Variants in DFFB observed in about 807,000 individuals in gnomAD.
The protein encoded by DFFB is DNA fragmentation factor 40 kDa subunit.
Under a neutral mutation model 32.7 loss-of-function variants are expected in DFFB, and 29 were observed. The observed-to-expected ratio is 0.89, with a 90% CI of 0.66 to 1.21. The LOEUF (loss-of-function observed/expected upper bound fraction) is 1.21. Ranked by LOEUF, DFFB falls within the 50% of genes most tolerant of loss-of-function variation. The pLI is 0.00. For synonymous variants in DFFB, 170 were observed against 177.1 expected, an observed-to-expected ratio of 0.96 and a Z score of 0.32; for missense variants, 398 against 440.6, an observed-to-expected ratio of 0.90 and a Z score of 0.87.
chr1:3,878,665 C>T (rs1178486828), intron 6 of DFFB, among the ~76,000 whole-genome samples: 2 of 152,188 alleles, frequency 1.3e-5, no homozygotes, highest in Admixed American at 1.3e-4. Context: ...GTTAGTGATA[C>T]TGGAAGACGG....
chr1:3,863,418 AG>A (rs1339454383), intron 2 of DFFB, among the ~76,000 whole-genome samples: 4 of 152,180 alleles, frequency 2.6e-5, no homozygotes, highest in Non-Finnish European at 1.5e-5. Context: ...ATTGATGGGA[AG>A]GGAAAACGGT....
At chr1:3,866,887 C>T (rs762918422) in intron 3 of DFFB, among the ~76,000 whole-genome samples, 48 of 152,208 alleles carry the variant, frequency 3.2e-4, no homozygotes, top group Admixed American at 2.0e-4. Flanking sequence ...CATATCGTAG[C>T]GTATATCAAA....
rs749660067 is a variant in DFFB, at chr1:3,858,775, G to T, written c.172G>T (p.Asp58Tyr). The change falls in exon 2 of 7, where the codon GAT becomes TAT. Residue 58 changes from aspartate (D) to tyrosine (Y), a missense_variant. Asp to Tyr is a radical substitution (Grantham distance 160). Coordinates refer to ENST00000378209, the MANE Select transcript of DFFB (RefSeq NM_004402.4). The stretch of plus-strand genomic sequence containing the variant: ...CGAGGATGGCACGGAGCTGACGGAA[G>T]ATTACTTCCCCAGTGTTCCCGACAA... ...LYEDGTELTEDYFPSVPDNAE... is the reference protein window; with the variant it reads ...LYEDGTELTEYYFPSVPDNAE... 6.2e-7 allele frequency: 1 copy of T among 1,614,194 alleles called. No individual in the cohort carries two copies. The highest frequency in any genetic ancestry group is 8.5e-7 in the Non-Finnish European group (1 of 1,180,046).
Position 3,865,900 on chromosome 1 carries a change from G to A in DFFB, c.330G>A (p.Glu110=), listed in dbSNP as rs1037280222. The A allele has an allele frequency of 6.2e-7, 1 of 1,613,730 alleles. No individual in the cohort carries two copies. Among genetic ancestry groups the A allele is most frequent in the African/African-American group, 1.3e-5 (1 of 75,044 alleles). The change falls in exon 3 of 7, where the codon GAG becomes GAA. Residue 110 remains glutamate (E), a synonymous_variant. Coordinates refer to ENST00000378209, the MANE Select transcript of DFFB (RefSeq NM_004402.4). This position sits in a 1 kb window ranked among gnomAD's most constrained non-coding sequence, Gnocchi z 4.7. ...IQAAQQLLCD[E]QAPQRQRLLA... is the part of the protein sequence containing the mutation. ...CCGCCCAGCAGCTGCTGTGTGATGA[G>A]CAGGCCCCACAGAGGCAGAGGCTGC...
chr1:3,863,348 C>T (rs970578863), intron 2 of DFFB, among the ~76,000 whole-genome samples: 2 of 152,136 alleles, frequency 1.3e-5, no homozygotes, highest in African/African-American at 4.8e-5. Flanking sequence ...CTACTTCACA[C>T]CCACTAGGAT....
Position 3,872,574 on chromosome 1 carries a change from T to C in DFFB, c.782+2T>C. 1 of 1,611,190 alleles carries C rather than the reference T, an allele frequency of 6.2e-7. No individual in the cohort carries two copies. Among genetic ancestry groups the C allele is most frequent in the South Asian group, 1.1e-5 (1 of 91,026 alleles). Reference sequence around the variant, plus strand: ...CAGCACCTGGAACCTGGATCACATGTAAGCTCACAGAGCGAGGTTCAGACC... The same window carrying C: ...CAGCACCTGGAACCTGGATCACATGCAAGCTCACAGAGCGAGGTTCAGACC... On this transcript the variant is annotated splice_donor_variant, in intron 6 of 6. Coordinates refer to ENST00000378209, the MANE Select transcript of DFFB (RefSeq NM_004402.4). LOFTEE classifies it high-confidence loss of function.
intron 1 of DFFB, among the ~76,000 whole-genome samples, chr1:3,858,171 G>T (rs1557704861): frequency 6.6e-6 from 1 of 152,318 alleles, no homozygotes; most frequent in East Asian, 1.9e-4. Flanking sequence ...CCAGTACTAG[G>T]GTTACCAGGT....
intron 6 of DFFB, among the ~76,000 whole-genome samples, chr1:3,882,087 C>T (rs943316869): frequency 6.6e-6 from 1 of 152,090 alleles, no homozygotes; most frequent in African/African-American, 2.4e-5. Context: ...CAGTCTCACT[C>T]CAACCAGGCT....
At chr1:3,874,722 C>T (rs1371862075) in intron 6 of DFFB, among the ~76,000 whole-genome samples, 1 of 146,362 alleles carries the variant, frequency 6.8e-6, no homozygotes, top group Non-Finnish European at 1.5e-5. Flanking sequence ...CATATGTGGC[C>T]TCCCATGCTG....
At chr1:3,871,322 C>T (rs1365195956) in intron 5 of DFFB, among the ~76,000 whole-genome samples, 1 of 152,190 alleles carries the variant, frequency 6.6e-6, no homozygotes, top group African/African-American at 2.4e-5. Context: ...GAGTCTCGCT[C>T]TGTCACCAAG....
intron 6 of DFFB, among the ~76,000 whole-genome samples, chr1:3,877,994 T>A (rs914371391): frequency 6.6e-6 from 1 of 152,144 alleles, no homozygotes; most frequent in African/African-American, 2.4e-5. Flanking sequence ...AACCTGAGAT[T>A]CTGTCATTCA....
chr1:3,857,966 C>T (rs1416345934), intron 1 of DFFB, among the ~76,000 whole-genome samples: 1 of 152,200 alleles, frequency 6.6e-6, no homozygotes, highest in Non-Finnish European at 1.5e-5. Context: ...CAGGACAGCC[C>T]TGCATCAGAG....
intron 6 of DFFB, among the ~76,000 whole-genome samples, chr1:3,873,477 ATTTT>A (rs201543955): frequency 0.027 from 3,707 of 138,798 alleles, 119 homozygotes; most frequent in East Asian, 0.16. Context: ...AGGATTTGGG[ATTTT>A]TTTTTTTTTT....
chr1:3,879,978 G>A (rs12071660), intron 6 of DFFB, among the ~76,000 whole-genome samples: 68,688 of 152,120 alleles, frequency 0.45, 16,427 homozygotes, highest in Non-Finnish European at 0.55. Flanking sequence ...TCTGGCATTC[G>A]TTCTTGAGCC....
chr1:3,868,902 C>A (rs1463138959), intron 4 of DFFB, among the ~76,000 whole-genome samples: 1 of 152,232 alleles, frequency 6.6e-6, no homozygotes, highest in Non-Finnish European at 1.5e-5. Context: ...TCTTCGAGGT[C>A]CTGGCGACTT....
At chr1:3,878,962 A>G (rs576003861) in intron 6 of DFFB, among the ~76,000 whole-genome samples, 1 of 152,318 alleles carries the variant, frequency 6.6e-6, no homozygotes, top group Admixed American at 6.5e-5. Flanking sequence ...GGTCCGTTCA[A>G]CTTCCACTCT....
At chr1:3,867,112 G>A (rs185950170) in intron 3 of DFFB, among the ~76,000 whole-genome samples, 76 of 152,242 alleles carry the variant, frequency 5.0e-4, no homozygotes, top group African/African-American at 1.7e-3. Context: ...TAGCCAGGAC[G>A]GTCTCAATCT....
chr1:3,883,065 G>A (rs149907545), intron 6 of DFFB, among the ~76,000 whole-genome samples: 2,240 of 150,600 alleles, frequency 0.015, 52 homozygotes, highest in African/African-American at 0.051. Flanking sequence ...GTGCGGTGGC[G>A]TGATCTTGGC....
intron 6 of DFFB, among the ~76,000 whole-genome samples, chr1:3,874,070 G>A (rs1207724269): frequency 7.2e-5 from 11 of 152,230 alleles, no homozygotes; most frequent in African/African-American, 2.7e-4. Context: ...TACCACAAGC[G>A]TGTGAGTTTA....
Sources: gnomAD v4.1 joint callset for allele counts (sites outside exome capture counted in the v4.1 genomes callset) on GRCh38, gnomAD v4.1.1 for gene constraint, Gnocchi (gnomAD v3.1) non-coding constraint, MANE v1.5 for transcripts, NCBI Gene and HGNC (gene_info 2026-07-23, HGNC 2026-07-21) for gene names.